Variants in FAM168B observed in about 807,000 individuals in gnomAD.
The protein encoded by FAM168B is myelin-associated neurite-outgrowth inhibitor.
In FAM168B, 19 loss-of-function variants were observed where a neutral mutation model predicts 21.8. That is an observed-to-expected ratio of 0.87 (90% confidence interval 0.61 to 1.28). The LOEUF (loss-of-function observed/expected upper bound fraction) is 1.28. Among genes scored for constraint, FAM168B ranks in the 50% most tolerant of loss-of-function variants. The pLI is 0.00. For missense variants in FAM168B, 233 were observed against 263.1 expected (o/e 0.89, Z 0.79); for synonymous variants, 126 against 104.8 (o/e 1.20, Z -1.24).
rs1694136742 is a variant in FAM168B at position 131,093,335 on chromosome 2, C to G, written c.-133G>C. ...CCTGCTACGATAAGAGGCTGACCCTCCGAGCCCCGCGTCTCCGCCGCCTCC... is the reference window on the plus strand; with the variant it reads ...CCTGCTACGATAAGAGGCTGACCCTGCGAGCCCCGCGTCTCCGCCGCCTCC... On this transcript the variant is annotated 5_prime_UTR_variant, in exon 1 of 7. Coordinates refer to ENST00000389915, the MANE Select transcript of FAM168B (RefSeq NM_001009993.4). The G allele has an allele frequency of 6.6e-6, 1 of 150,510 alleles. No individual in the cohort carries two copies. Among genetic ancestry groups the G allele is most frequent in the Non-Finnish European group, 1.5e-5 (1 of 67,400 alleles). The allele number at this position is 150,510 out of a possible 1,614,324, so 9.3% of individuals were successfully genotyped here.
rs1007538037 is a variant in FAM168B at position 131,051,710 on chromosome 2, CT to C, written c.*754del. ...CTTTGCTGACACATAAACCACCCCC[CT>C]CGCCCCAAATTTCACTGGCCACACT... On this transcript the variant is annotated 3_prime_UTR_variant, in exon 7 of 7. Coordinates refer to ENST00000389915, the MANE Select transcript of FAM168B (RefSeq NM_001009993.4). 2.8e-5 allele frequency: 28 copies of C among 985,392 alleles called. No individual in the cohort carries two copies. In the Admixed American group the frequency reaches 1.6e-3, roughly 56 times the overall value. 61.0% of individuals were successfully genotyped at this position (985,392 alleles called of 1,614,324 possible).
chr2:131,076,454 G>C (rs1259897189), intron 2 of FAM168B, among the ~76,000 whole-genome samples: 1 of 151,924 alleles, frequency 6.6e-6, no homozygotes, highest in Non-Finnish European at 1.5e-5. Flanking sequence ...GAGGTCAGGA[G>C]ATTGAGACCA....
intron 1 of FAM168B, among the ~76,000 whole-genome samples, chr2:131,088,889 T>C (rs1693853579): frequency 6.6e-6 from 1 of 151,838 alleles, no homozygotes; most frequent in Admixed American, 6.6e-5. Context: ...AAAATCTCCC[T>C]GCAACCACCA....
At chr2:131,074,231 C>T (rs1259420694) in intron 2 of FAM168B, among the ~76,000 whole-genome samples, 2 of 152,094 alleles carry the variant, frequency 1.3e-5, no homozygotes, top group Admixed American at 6.5e-5. Flanking sequence ...CTGGTTCAAG[C>T]GATTCTCCTG....
At chr2:131,082,959 TC>T (rs1395906994) in intron 1 of FAM168B, among the ~76,000 whole-genome samples, 10 of 152,100 alleles carry the variant, frequency 6.6e-5, no homozygotes, top group Non-Finnish European at 1.5e-4. Context: ...GGTGGTGCAC[TC>T]CTGTAATCCC....
chr2:131,088,664 A>G (rs1056377191), intron 1 of FAM168B, among the ~76,000 whole-genome samples: 3 of 152,220 alleles, frequency 2.0e-5, no homozygotes, highest in African/African-American at 7.2e-5. Context: ...TAAAGTATAT[A>G]AAGTCGAAAA....
chr2:131,055,697 TG>T lies in FAM168B; in HGVS notation c.155-3del. 1 of 1,613,386 alleles carries T rather than the reference TG, an allele frequency of 6.2e-7. No homozygotes were observed. Among genetic ancestry groups the T allele is most frequent in the Non-Finnish European group, 8.5e-7 (1 of 1,179,698 alleles). On this transcript the variant is annotated splice_region_variant and splice_polypyrimidine_tract_variant and intron_variant, in intron 3 of 6. Coordinates refer to ENST00000389915, the MANE Select transcript of FAM168B (RefSeq NM_001009993.4). ...TGTAAGGTGTGCCAGGAGTGTAACC[TG>T]GAACAAAGAAGGCAATGGCCTGAGT...
At position 131,050,405 on chromosome 2, in the gene FAM168B, T is replaced by TA. The variant is rs1415376439; in HGVS notation, c.*2059dup. 3 of 985,692 alleles carry TA rather than the reference T, an allele frequency of 3.0e-6. No homozygotes were observed. In the African/African-American group the frequency reaches 5.2e-5, roughly 17 times the overall value. 61.1% of individuals were successfully genotyped at this position (985,692 alleles called of 1,614,324 possible). A position where few individuals can be genotyped will look rare whatever the true frequency, so the allele number is the denominator to read the frequency against. ...AACCCCTGGAACCGTTAGAACCTAC[T>TA]AATCCTGCCAACCATCCACTAAACA... is the stretch of plus-strand genomic sequence containing the variant. On this transcript the variant is annotated 3_prime_UTR_variant, in exon 7 of 7. Coordinates refer to ENST00000389915, the MANE Select transcript of FAM168B (RefSeq NM_001009993.4).
At position 131,049,360 on chromosome 2, in the gene FAM168B, CAAG is replaced by C. The variant is rs912436594; in HGVS notation, c.*3102_*3104del. On this transcript the variant is annotated 3_prime_UTR_variant, in exon 7 of 7. Coordinates refer to ENST00000389915, the MANE Select transcript of FAM168B (RefSeq NM_001009993.4). ...CCTGTGAACACATTTGCATAGCACT[CAAG>C]AAGGTTTCCCAGAATAGCGACAGGT... The C allele has an allele frequency of 1.0e-5, 10 of 985,356 alleles. No homozygotes were observed. In the South Asian group the frequency reaches 4.2e-4, roughly 42 times the overall value. 61.0% of individuals were successfully genotyped at this position (985,356 alleles called of 1,614,324 possible). A position where few individuals can be genotyped will look rare whatever the true frequency, so the allele number is the denominator to read the frequency against.
intron 5 of FAM168B, among the ~76,000 whole-genome samples, chr2:131,054,954 G>A (rs1408070283): frequency 1.3e-5 from 2 of 152,060 alleles, no homozygotes; most frequent in African/African-American, 2.4e-5. Context: ...AGCAACCCCG[G>A]TACACAAAGT....
chr2:131,066,456 T>C (rs1451730904), intron 3 of FAM168B, among the ~76,000 whole-genome samples: 1 of 152,252 alleles, frequency 6.6e-6, no homozygotes, highest in Non-Finnish European at 1.5e-5. Flanking sequence ...ATTACAGGCA[T>C]GAGCCATTGC....
intron 1 of FAM168B, among the ~76,000 whole-genome samples, chr2:131,092,601 G>C (rs1290400684): frequency 2.0e-5 from 3 of 152,128 alleles, no homozygotes; most frequent in African/African-American, 4.8e-5. Context: ...AACTCAAACA[G>C]CCCATGAGAT....
intron 3 of FAM168B, among the ~76,000 whole-genome samples, chr2:131,057,664 C>G (rs1302876412): frequency 6.6e-6 from 1 of 152,132 alleles, no homozygotes; most frequent in Non-Finnish European, 1.5e-5. Flanking sequence ...TTTTGGATCA[C>G]CTGAGCCGGA....
intron 3 of FAM168B, among the ~76,000 whole-genome samples, chr2:131,063,076 G>A (rs926498588): frequency 2.6e-5 from 4 of 152,154 alleles, no homozygotes; most frequent in African/African-American, 4.8e-5. Flanking sequence ...AAAAGTTGAC[G>A]TTAAAAAGTT....
intron 3 of FAM168B, 130 bp from the exon 4 acceptor site, chr2:131,055,825 C>G (rs1028092182): frequency 3.7e-6 from 4 of 1,068,796 alleles, no homozygotes; most frequent in Non-Finnish European, 5.4e-6. Flanking sequence ...CACTGCCGCC[C>G]CCACTCTCCT....
At chr2:131,075,076 G>C (rs76494521) in intron 2 of FAM168B, among the ~76,000 whole-genome samples, 4,206 of 152,150 alleles carry the variant, frequency 0.028, 192 homozygotes, top group African/African-American at 0.096. Flanking sequence ...AGAGAACAGA[G>C]TGTGGTGGAC....
intron 3 of FAM168B, among the ~76,000 whole-genome samples, chr2:131,056,456 T>TC (rs1692025429): frequency 6.6e-6 from 1 of 151,972 alleles, no homozygotes; most frequent in Non-Finnish European, 1.5e-5. Flanking sequence ...AGAGAGCCGT[T>TC]CCCCAAAGCC....
intron 1 of FAM168B, among the ~76,000 whole-genome samples, chr2:131,083,016 T>C (rs1211500582): frequency 4.6e-5 from 7 of 151,444 alleles, no homozygotes; most frequent in Non-Finnish European, 1.0e-4. Flanking sequence ...AGGTCAGGAG[T>C]TTGAGACCAG....
chr2:131,052,109 G>C lies in FAM168B; in HGVS notation c.*356C>G. On this transcript the variant is annotated 3_prime_UTR_variant, in exon 7 of 7. Transcript: ENST00000389915. ...TTCCATTCCTTTGGATTTTGCATAT[G>C]ATGGTTTTGCATCAGTCACTGCAGG... is the stretch of plus-strand genomic sequence containing the variant. 6 of 985,812 alleles carry C rather than the reference G, an allele frequency of 6.1e-6. No homozygotes were observed. Among genetic ancestry groups the C allele is most frequent in the Non-Finnish European group, 7.2e-6 (6 of 829,938 alleles). 61.1% of individuals were successfully genotyped at this position (985,812 alleles called of 1,614,324 possible).
Sources: gnomAD v4.1 joint callset for allele counts (sites outside exome capture counted in the v4.1 genomes callset) on GRCh38, gnomAD v4.1.1 for gene constraint, MANE v1.5 for transcripts, NCBI Gene and HGNC (gene_info 2026-07-23, HGNC 2026-07-21) for gene names.